RGR: variants seen among roughly 807,000 people sequenced by gnomAD.
RGR encodes RPE-retinal G protein-coupled receptor.
Under a neutral mutation model 28.6 loss-of-function variants are expected in RGR, and 30 were observed. The observed-to-expected ratio is 1.05, with a 90% CI of 0.78 to 1.42. The LOEUF (loss-of-function observed/expected upper bound fraction) is 1.42. Ranked by LOEUF, RGR falls within the 40% of genes most tolerant of loss-of-function variation. The pLI, the probability that RGR is intolerant of heterozygous loss-of-function variation, is 0.00. For synonymous variants in RGR, 180 were observed against 156.4 expected (o/e 1.15, Z -1.13); for missense variants, 404 against 375.6 (o/e 1.08, Z -0.62).
chr10:84,259,158 C>T lies in RGR; in HGVS notation c.*519C>T, dbSNP rs964113252. On this transcript the variant is annotated 3_prime_UTR_variant, in exon 7 of 7. Coordinates refer to ENST00000652092, the MANE Select transcript of RGR (RefSeq NM_001012720.2). ...GACTTTCTGTTTTTGAGTTATTTCA[C>T]TTAAAATAATGACCTCCAGTTTCAT... is the stretch of plus-strand genomic sequence containing the variant. 3 of 169,292 alleles carry T rather than the reference C, an allele frequency of 1.8e-5. No homozygotes were observed. Among genetic ancestry groups the T allele is most frequent in the Non-Finnish European group, 2.6e-5 (2 of 76,774 alleles). 10.5% of individuals were successfully genotyped at this position (169,292 alleles called of 1,614,324 possible).
chr10:84,256,903 C>T (rs1332723523), intron 5 of RGR, among the ~76,000 whole-genome samples: 1 of 152,072 alleles, frequency 6.6e-6, no homozygotes, highest in Non-Finnish European at 1.5e-5. Flanking sequence ...CCCGAGACCG[C>T]GTAGCCTCCC....
chr10:84,247,654 G>A lies in RGR; in HGVS notation c.143G>A (p.Arg48Gln), dbSNP rs374080340. The change falls in exon 2 of 7, where the codon CGG (arginine) becomes CAG (glutamine). Residue 48 changes from arginine (R) to glutamine (Q), a missense_variant. By Grantham distance (43) the Arg-to-Gln change is conservative. Coordinates refer to ENST00000652092, the MANE Select transcript of RGR (RefSeq NM_001012720.2). ...IFSFCKTPELRTPCHLLVLSL... is the reference protein window; with the variant it reads ...IFSFCKTPELQTPCHLLVLSL... ...TCTTTCTGCAAGACCCCGGAGCTGCGGACTCCCTGCCACCTACTGGTGCTG... is the reference window on the plus strand; with the variant it reads ...TCTTTCTGCAAGACCCCGGAGCTGCAGACTCCCTGCCACCTACTGGTGCTG... 4.5e-5 allele frequency: 73 copies of A among 1,613,956 alleles called. 1 individual carries two copies. The South Asian group carries it at 4.7e-4, about 10-fold the overall frequency.
intron 4 of RGR, among the ~76,000 whole-genome samples, chr10:84,253,962 A>G (rs550362497): frequency 2.4e-4 from 37 of 152,328 alleles, no homozygotes; most frequent in African/African-American, 7.7e-4. Flanking sequence ...TCTTCTTGTT[A>G]TCCCGTCTCC....
At chr10:84,255,063 C>A in intron 5 of RGR, 1 of 160,346 alleles carries the variant, frequency 6.2e-6, no homozygotes, top group Non-Finnish European at 1.4e-5. Flanking sequence ...TCTACTCATT[C>A]CGCCCTTTAA....
intron 3 of RGR, 140 bp from the exon 4 acceptor site, chr10:84,252,717 C>A: frequency 8.9e-7 from 1 of 1,119,508 alleles, no homozygotes; most frequent in South Asian, 1.3e-5. Context: ...TGGCTCAATC[C>A]TGTAATCCCA....
At chr10:84,250,517 T>TACACACACACACACAC (rs34459757) in intron 3 of RGR, 89 of 607,648 alleles carry the variant, frequency 1.5e-4, no homozygotes, top group East Asian at 2.7e-4. Context: ...GACCATCTTA[T>TACACACACACACACAC]ACACACACAC....
chr10:84,253,002 G>A lies in RGR; in HGVS notation c.504G>A (p.Lys168=). The A allele has an allele frequency of 1.2e-6, 2 of 1,613,510 alleles. No individual in the cohort carries two copies. Among genetic ancestry groups the A allele is most frequent in the Non-Finnish European group, 1.7e-6 (2 of 1,180,026 alleles). The change falls in exon 4 of 7, where the codon AAG becomes AAA. Residue 168 remains lysine (K), a synonymous_variant. Transcript: ENST00000652092. The part of the protein sequence containing the change: ...LGTCCTLDYS[K]GDRNFTSFLF... ...CATGCTGCACCCTGGACTACTCCAA[G>A]GGGGACAGGTGAGGTGGGAGGAGCA...
chr10:84,250,169 G>A (rs1842797495), intron 3 of RGR, among the ~76,000 whole-genome samples: 1 of 152,104 alleles, frequency 6.6e-6, no homozygotes, highest in African/African-American at 2.4e-5. Flanking sequence ...TAAGGGCAGA[G>A]CCAGCACTGG....
chr10:84,257,940 C>G lies in RGR; in HGVS notation c.678C>G (p.Pro226=), dbSNP rs1483226805. The G allele has an allele frequency of 2.5e-6, 4 of 1,614,218 alleles. No homozygotes were observed. The highest frequency in any genetic ancestry group is 1.7e-5 in the Admixed American group (1 of 60,032). Reference sequence around the variant, plus strand: ...GGACGCTGCTGCTCGGCTGGGGCCCCTATGCCATCCTGTATCTATACGCAG... The same window carrying G: ...GGACGCTGCTGCTCGGCTGGGGCCCGTATGCCATCCTGTATCTATACGCAG... The part of the protein sequence containing the change: ...PARTLLLGWG[P]YAILYLYAVI... Residue 226 remains proline (P), a synonymous_variant, in exon 6 of 7, where the codon CCC becomes CCG. Transcript: ENST00000652092.
chr10:84,246,512 T>TA (rs1214099296), intron 1 of RGR, among the ~76,000 whole-genome samples: 9 of 152,222 alleles, frequency 5.9e-5, no homozygotes. Context: ...TTACTTCACT[T>TA]ACAATAATGG....
At chr10:84,250,675 G>T in intron 3 of RGR, 1 of 505,706 alleles carries the variant, frequency 2.0e-6, no homozygotes, top group Non-Finnish European at 3.6e-6. Flanking sequence ...TGTGAAGGCA[G>T]GCAAAGGGGA....
At chr10:84,247,848 A>G in intron 2 of RGR, 101 bp downstream of exon 2, 3 of 1,563,584 alleles carry the variant, frequency 1.9e-6, no homozygotes, top group Non-Finnish European at 2.6e-6. Context: ...CTACTTACAG[A>G]AAATTGGCCA....
rs775412187 is a variant in RGR, at chr10:84,258,619, G to C, written c.856G>C (p.Glu286Gln). The change falls in exon 7 of 7, where the codon GAG becomes CAG. Residue 286 changes from glutamate to glutamine, a missense_variant. By Grantham distance (29) the Glu-to-Gln change is conservative. Coordinates refer to ENST00000652092, the MANE Select transcript of RGR (RefSeq NM_001012720.2). ...GCAGTGCCTCTCACCGCAGAAGAGGGAGAAGGACCGAACCAAGTGAGCCTG... is the reference window on the plus strand; with the variant it reads ...GCAGTGCCTCTCACCGCAGAAGAGGCAGAAGGACCGAACCAAGTGAGCCTG... ...IWQCLSPQKR[E>Q]KDRTK 1 of 1,614,184 alleles carries C rather than the reference G, an allele frequency of 6.2e-7. No homozygotes were observed. The highest frequency in any genetic ancestry group is 1.1e-5 in the South Asian group (1 of 91,084).
At chr10:84,248,593 G>A in intron 2 of RGR, 1 of 436,922 alleles carries the variant, frequency 2.3e-6, no homozygotes, top group Non-Finnish European at 4.2e-6. Flanking sequence ...CTTGGCTTCA[G>A]TATCTTTGCC....
chr10:84,250,657 C>G (rs1272531157), intron 3 of RGR: 1 of 550,988 alleles, frequency 1.8e-6, no homozygotes, highest in African/African-American at 1.9e-5. Context: ...GAGAGCATGG[C>G]AGAGCAGTGT....
At chr10:84,251,335 G>A (rs1321417137) in intron 3 of RGR, among the ~76,000 whole-genome samples, 2 of 152,190 alleles carry the variant, frequency 1.3e-5, no homozygotes, top group Admixed American at 6.5e-5. Context: ...GGGATGGGAG[G>A]TGTCTTAGTC....
rs548458026 is a variant in RGR, at chr10:84,250,482, A to G, written c.358+1439A>G. The G allele has an allele frequency of 2.0e-5, 14 of 713,128 alleles. No homozygotes were observed. In the East Asian group the frequency reaches 3.0e-4, roughly 15 times the overall value. The allele number at this position is 713,128 out of a possible 1,614,324, so 44.2% of individuals were successfully genotyped here. On this transcript the variant is annotated intron_variant, in intron 3 of 6. Coordinates refer to ENST00000652092, the MANE Select transcript of RGR (RefSeq NM_001012720.2). ...GCACTTCTCCCACTCCTTACATCCCAGCCCCTGCCCCTAATGCTCCCTTGG... is the reference window on the plus strand; with the variant it reads ...GCACTTCTCCCACTCCTTACATCCCGGCCCCTGCCCCTAATGCTCCCTTGG...
intron 4 of RGR, among the ~76,000 whole-genome samples, chr10:84,253,234 C>A (rs1461632539): frequency 6.6e-6 from 1 of 152,122 alleles, no homozygotes; most frequent in African/African-American, 2.4e-5. Flanking sequence ...AAAATTGGGA[C>A]CCAGAGTTGA....
intron 3 of RGR, among the ~76,000 whole-genome samples, chr10:84,251,247 A>T (rs6585850): frequency 0.43 from 65,832 of 151,686 alleles, 16,758 homozygotes; most frequent in African/African-American, 0.72. Context: ...AAATTTTTTT[A>T]AAAAAAGACA....
Sources: allele counts gnomAD v4.1 joint callset (sites outside exome capture counted in the v4.1 genomes callset), GRCh38; gene constraint gnomAD v4.1.1; transcripts MANE v1.5; gene names NCBI Gene and HGNC (gene_info 2026-07-23, HGNC 2026-07-21).